Variants in RRM2 observed in about 807,000 individuals in gnomAD.
RRM2 encodes ribonucleoside-diphosphate reductase subunit M2.
RRM2 carries 6 observed loss-of-function variants against 45.9 expected under a neutral mutation model. The ratio of observed to expected loss-of-function variants is 0.13; its 90% CI spans 0.07 to 0.26. The LOEUF (loss-of-function observed/expected upper bound fraction) is 0.26. Among genes scored for constraint, RRM2 ranks in the 10% least tolerant of loss-of-function variants. The probability of loss-of-function intolerance (pLI) is 1.00; values close to 1 mark genes in which losing one functional copy is unlikely to be tolerated. For missense variants in RRM2, 343 were observed against 489.5 expected (o/e 0.70, Z 2.82); for synonymous variants, 177 against 173.0 (o/e 1.02, Z -0.18).
intron 3 of RRM2, among the ~76,000 whole-genome samples, chr2:10,150,502 A>G (rs13009708): frequency 0.63 from 92,775 of 146,618 alleles, 29,958 homozygotes; most frequent in African/African-American, 0.7. Flanking sequence ...CCTTGTTACT[A>G]TGGGATGATT....
At chr2:10,158,213 T>C (rs1249711673) in intron 3 of RRM2, among the ~76,000 whole-genome samples, 3 of 152,180 alleles carry the variant, frequency 2.0e-5, no homozygotes, top group East Asian at 1.9e-4. Context: ...CATTTTCCCA[T>C]GTACGAAATG....
chr2:10,208,516 A>G (rs1470342211), intron 3 of RRM2, among the ~76,000 whole-genome samples: 3 of 152,176 alleles, frequency 2.0e-5, no homozygotes, highest in Non-Finnish European at 1.5e-5. Flanking sequence ...CTTGACAAGG[A>G]TCTCACCGAA....
At chr2:10,138,212 G>T (rs1308420022), upstream of RRM2, among the ~76,000 whole-genome samples, 1 of 150,644 alleles carries the variant, frequency 6.6e-6, no homozygotes, top group Non-Finnish European at 1.5e-5. Flanking sequence ...TTGTTGCCCA[G>T]GTTGGAGTGC....
rs1048061514 is a variant in RRM2 at position 10,209,057 on chromosome 2, C to CTTTCTTTCTTTCT, written n.483-1251_483-1250insCTTTCTTTCTTTT. 2.4e-3 allele frequency among the ~76,000 whole-genome samples: 243 copies of CTTTCTTTCTTTCT among 102,474 alleles called. 1 individual carries two copies. Among genetic ancestry groups the CTTTCTTTCTTTCT allele is most frequent in the Non-Finnish European group, 3.9e-3 (180 of 45,896 alleles). The allele number at this position is 102,474 out of a possible 152,430, so 67.2% of individuals were successfully genotyped here. A position where few individuals can be genotyped will look rare whatever the true frequency, so the allele number is the denominator to read the frequency against. On this transcript the variant is annotated intron_variant and non_coding_transcript_variant, in intron 3 of 3. Coordinates refer to the RRM2 transcript ENST00000381786. Reference sequence around the variant, plus strand: ...TCTTTCTTTCTTTCTTTCTTTCTTTCTTTTTTTTTTTTTTTTGAGATGAAG... The same window carrying CTTTCTTTCTTTCT: ...TCTTTCTTTCTTTCTTTCTTTCTTTCTTTCTTTCTTTCTTTTTTTTTTTTTTTTTGAGATGAAG...
At chr2:10,133,654 A>G (rs1381148762), downstream of RRM2, among the ~76,000 whole-genome samples, 1 of 150,850 alleles carries the variant, frequency 6.6e-6, no homozygotes, top group African/African-American at 2.4e-5. Context: ...AGAAGGGAAC[A>G]CATCAGTGGT....
intron 3 of RRM2, among the ~76,000 whole-genome samples, chr2:10,163,018 C>T (rs528178733): frequency 5.5e-4 from 83 of 152,290 alleles, no homozygotes; most frequent in African/African-American, 1.8e-3. Flanking sequence ...CGCAGGGCCC[C>T]GGGCCCTGAG....
At chr2:10,187,228 C>G (rs1664189243) in intron 3 of RRM2, among the ~76,000 whole-genome samples, 1 of 152,232 alleles carries the variant, frequency 6.6e-6, no homozygotes, top group Non-Finnish European at 1.5e-5. Context: ...AGAAGGGTCC[C>G]GCAGGAAGAT....
At chr2:10,141,033 G>T (rs1249305812), upstream of RRM2, among the ~76,000 whole-genome samples, 1 of 152,090 alleles carries the variant, frequency 6.6e-6, no homozygotes, top group African/African-American at 2.4e-5. Flanking sequence ...GCTGCATCTC[G>T]CCCACGTCGC....
At chr2:10,196,156 C>T (rs1664409699) in intron 3 of RRM2, among the ~76,000 whole-genome samples, 1 of 152,170 alleles carries the variant, frequency 6.6e-6, no homozygotes, top group East Asian at 1.9e-4. Context: ...GACCCTGCGG[C>T]ACTGCAGACC....
chr2:10,142,425 A>G, intron 3 of RRM2: 1 of 1,365,922 alleles, frequency 7.3e-7, no homozygotes, highest in Non-Finnish European at 9.8e-7. Context: ...GCCACTGTGG[A>G]GGTGGCTTGC....
intron 3 of RRM2, among the ~76,000 whole-genome samples, chr2:10,199,799 A>AAC (rs1558406229): frequency 2.0e-5 from 3 of 149,808 alleles, no homozygotes; most frequent in Admixed American, 2.0e-4. Context: ...AAAAAAAAAA[A>AAC]AAAAAAAAAA....
downstream of RRM2, among the ~76,000 whole-genome samples, chr2:10,136,039 A>T (rs996975792): frequency 6.6e-6 from 1 of 152,042 alleles, no homozygotes; most frequent in South Asian, 2.1e-4. Context: ...GAGAATCTCC[A>T]TGGCTCTACT....
chr2:10,203,779 AC>A (rs925718696), intron 3 of RRM2, among the ~76,000 whole-genome samples: 24 of 150,450 alleles, frequency 1.6e-4, no homozygotes, highest in African/African-American at 5.5e-4. Context: ...ATACATACAT[AC>A]ATACATGTGA....
chr2:10,194,352 G>C (rs1385523916), intron 3 of RRM2, among the ~76,000 whole-genome samples: 2 of 152,198 alleles, frequency 1.3e-5, no homozygotes, highest in Non-Finnish European at 2.9e-5. Context: ...GACTGGCGGG[G>C]CTCTGGGGGT....
rs950870983 is a variant in RRM2 at position 10,165,230 on chromosome 2, C to T, written n.482+22855C>T. On this transcript the variant is annotated intron_variant and non_coding_transcript_variant, in intron 3 of 3. Transcript: ENST00000381786. ...CCTCCCAAAGTGTTGGGATTCCAGG[C>T]ATGAGCCACTGTGCCCGGCCTCTTT... 5.3e-5 allele frequency among the ~76,000 whole-genome samples: 8 copies of T among 152,344 alleles called. No homozygotes were observed. In the South Asian group the frequency reaches 1.0e-3, roughly 20 times the overall value.
intron 3 of RRM2, chr2:10,198,709 A>G (rs1221489917): frequency 6.6e-6 from 1 of 152,208 alleles, no homozygotes; most frequent in Non-Finnish European, 1.5e-5. Flanking sequence ...ATTTTGGAGA[A>G]TAAACCTGAG....
intron 3 of RRM2, among the ~76,000 whole-genome samples, chr2:10,144,581 G>A (rs899462102): frequency 2.7e-4 from 41 of 152,190 alleles, no homozygotes; most frequent in African/African-American, 9.9e-4. Flanking sequence ...TCCATGATCC[G>A]CAACAAACTG....
intron 3 of RRM2, among the ~76,000 whole-genome samples, chr2:10,150,534 T>C (rs1663286869): frequency 6.7e-6 from 1 of 148,554 alleles, no homozygotes; most frequent in African/African-American, 2.5e-5. Context: ...ACTTTATTGG[T>C]GTATAATTGA....
chr2:10,131,619 AT>A (rs1462791409), downstream of RRM2, among the ~76,000 whole-genome samples: 1 of 152,140 alleles, frequency 6.6e-6, no homozygotes, highest in Non-Finnish European at 1.5e-5. Context: ...CACGCCTGTA[AT>A]CCCAGCTACT....
Sources: gnomAD v4.1 joint callset for allele counts (sites outside exome capture counted in the v4.1 genomes callset) on GRCh38, gnomAD v4.1.1 for gene constraint, MANE v1.5 for transcripts, NCBI Gene and HGNC (gene_info 2026-07-23, HGNC 2026-07-21) for gene names.